The following STAT6 variants were observed in gnomAD, a reference collection of about 807,000 sequenced individuals.
The protein encoded by STAT6 is signal transducer and activator of transcription 6.
In STAT6, 45 loss-of-function variants were observed where a neutral mutation model predicts 106.3. That is an observed-to-expected ratio of 0.42 (90% CI 0.33 to 0.54). The LOEUF is 0.54. STAT6 is among the 20% of genes least tolerant of loss of function. STAT6 has a pLI of 0.06. For synonymous variants in STAT6, 413 were observed against 413.6 expected (o/e 1.00, Z 0.02); for missense variants, 797 against 1,062.2 (o/e 0.75, Z 3.47).
chr12:57,104,502 A>G lies in STAT6; in HGVS notation c.1174T>C (p.Phe392Leu), dbSNP rs757461622. The G allele has an allele frequency of 6.2e-7, 1 of 1,612,712 alleles. No homozygotes were observed. The highest frequency in any genetic ancestry group is 1.1e-5 in the South Asian group (1 of 90,692). Residue 392 changes from phenylalanine to leucine, a missense_variant, in exon 11 of 22, where the codon TTC becomes CTC. By Grantham distance (22) the Phe-to-Leu change is conservative (BLOSUM62 0). Around this residue, in one of 4 missense-constraint regions of STAT6, gnomAD observed 222 missense variants for 354.6 expected, o/e 0.63. Transcript: ENST00000300134. ...EKCAVLFSAS[F>L]TLGPGKLPIQ... ...GGGAGTTTGCCGGGGCCAAGTGTGA[A>G]GCTGGCAGAGAAGAGCACAGCGCAC... is the stretch of plus-strand genomic sequence containing the variant.
chr12:57,102,416 C>T lies in STAT6; in HGVS notation c.1386G>A (p.Glu462=), dbSNP rs1159376886. 1.9e-6 allele frequency: 3 copies of T among 1,614,168 alleles called. No individual in the cohort carries two copies. Among genetic ancestry groups the T allele is most frequent in the South Asian group, 1.1e-5 (1 of 91,086 alleles). ...CETLNLKFMA[E]VGTNRGLLPE... is the part of the protein sequence containing the mutation. Reference sequence around the variant, plus strand: ...GGAGCAGCCCCCGGTTGGTCCCCACCTCAGCCATGAACTTCAGGTTCAGAG... The same window carrying T: ...GGAGCAGCCCCCGGTTGGTCCCCACTTCAGCCATGAACTTCAGGTTCAGAG... The change falls in exon 13 of 22, where the codon GAG becomes GAA. Residue 462 remains glutamate (E), a synonymous_variant. Transcript: ENST00000300134.
intron 5 of STAT6, 41 bp from the exon 6 acceptor site, chr12:57,106,621 G>C: frequency 2.5e-6 from 4 of 1,613,838 alleles, no homozygotes; most frequent in Non-Finnish European, 3.4e-6. Flanking sequence ...AGACAGATTA[G>C]AGGTTCAGAT....
chr12:57,100,694 AAGAAAGAGAAAGAAAGAAAG>A (rs1293209757), intron 13 of STAT6, among the ~76,000 whole-genome samples: 1 of 28,944 alleles, frequency 3.5e-5, no homozygotes, highest in African/African-American at 1.4e-4. Context: ...GAAAGAAAGA[AAGAAAGAGAAAGAAAGAAAG>A]AAAGAAAGAA....
In STAT6 at chr12:57,106,316, C is replaced by T; in HGVS notation, c.555G>A (p.Glu185=). ...PSEALAMLLQ[E]TTGELEAAKA... ...TGGCTGCCTCTAGCTCTCCAGTGGT[C>T]TCCTGCAGTAGCATGGCCAGGGCCT... The change falls in exon 7 of 22, where the codon GAG becomes GAA. Residue 185 remains glutamate (E), a synonymous_variant. Coordinates refer to ENST00000300134, the MANE Select transcript of STAT6 (RefSeq NM_003153.5). 6.2e-7 allele frequency: 1 copy of T among 1,614,260 alleles called. No homozygotes were observed. Among genetic ancestry groups the T allele is most frequent in the East Asian group, 2.2e-5 (1 of 44,890 alleles).
rs541234279 is a variant in STAT6, at chr12:57,099,936, G to A, written c.1608-33C>T. The A allele has an allele frequency of 5.0e-6, 8 of 1,614,210 alleles. No individual in the cohort carries two copies. In the East Asian group the frequency reaches 6.7e-5, roughly 13 times the overall value. The stretch of plus-strand genomic sequence containing the variant: ...GGATGAAGGAGAGGATGGGGCATGG[G>A]CAGTGAGTATGGAGGTGACTGGTGT... On this transcript the variant is annotated intron_variant, in intron 14 of 21. Coordinates refer to ENST00000300134, the MANE Select transcript of STAT6 (RefSeq NM_003153.5). The surrounding 1 kb of genome is among the most constrained non-coding windows in gnomAD (Gnocchi z 4.7).
At chr12:57,106,062 G>T in intron 7 of STAT6, 129 bp downstream of exon 7, 1 of 1,475,834 alleles carries the variant, frequency 6.8e-7, no homozygotes, top group Non-Finnish European at 9.1e-7. Flanking sequence ...CGCTGGAACT[G>T]GCTTTTATGC....
Position 57,106,520 on chromosome 12 carries a change from T to C in STAT6, c.531+8A>G. The C allele has an allele frequency of 6.2e-7, 1 of 1,614,094 alleles. No individual in the cohort carries two copies. Among genetic ancestry groups the C allele is most frequent in the Non-Finnish European group, 8.5e-7 (1 of 1,179,978 alleles). The stretch of plus-strand genomic sequence containing the variant: ...ACCAAGGTCTCCACCTGTCAGCCCA[T>C]TACTCACCTCACTTGGCCCAGTCCC... On this transcript the variant is annotated splice_region_variant and intron_variant, in intron 6 of 21. Coordinates refer to ENST00000300134, the MANE Select transcript of STAT6 (RefSeq NM_003153.5).
At position 57,105,327 on chromosome 12, in the gene STAT6, C is replaced by T. The variant is rs1169911514; in HGVS notation, c.825G>A (p.Val275=). The change falls in exon 9 of 22, where the codon GTG becomes GTA. Residue 275 remains valine, a synonymous_variant. Transcript: ENST00000300134. ...TCAGTACCTGGGGGGGCTGCTTCTC[C>T]ACCAGGAAGCAACTGGGAGTGAGGA... The part of the protein sequence containing the change: ...LRTLVTSCFL[V]EKQPPQVLKT... 7 of 1,614,020 alleles carry T rather than the reference C, an allele frequency of 4.3e-6. No individual in the cohort carries two copies. Among genetic ancestry groups the T allele is most frequent in the South Asian group, 1.1e-5 (1 of 91,076 alleles).
chr12:57,102,773 G>T, intron 12 of STAT6, 56 bp downstream of exon 12: 5 of 1,421,442 alleles, frequency 3.5e-6, no homozygotes, highest in Non-Finnish European at 3.0e-6. Flanking sequence ...CTGCACCACT[G>T]CCCATGTTAG....
chr12:57,098,804 C>T lies in STAT6; in HGVS notation c.2054G>A (p.Gly685Asp), dbSNP rs1240444797. 6.2e-7 allele frequency: 1 copy of T among 1,613,732 alleles called. No homozygotes were observed. The highest frequency in any genetic ancestry group is 1.7e-5 in the Admixed American group (1 of 59,902). Residue 685 changes from glycine (G) to aspartate (D), a missense_variant, in exon 18 of 22, where the codon GGC (glycine) becomes GAC (aspartate). Coordinates refer to ENST00000300134, the MANE Select transcript of STAT6 (RefSeq NM_003153.5). Reference protein sequence around the residue: ...APDSSMSMQLGPDMVPQVYPP... With the variant: ...APDSSMSMQLDPDMVPQVYPP... ...TCCAGCTCCTTACACCATATCTGGG[C>T]CAAGCTGCATGCTCATGGAGGAATC...
In STAT6 at chr12:57,108,133, GGGGACCAGCA is replaced by G; in HGVS notation, c.116+20_116+29del. On this transcript the variant is annotated intron_variant, in intron 2 of 21. Coordinates refer to ENST00000300134, the MANE Select transcript of STAT6 (RefSeq NM_003153.5). ...AGGAAGATGAGTTAGGGAAGACTTG[GGGGACCAGCA>G]GGGAGCAGCCAGGACTCACCAGGGC... 1 of 1,397,244 alleles carries G rather than the reference GGGGACCAGCA, an allele frequency of 7.2e-7. No individual in the cohort carries two copies. 86.6% of individuals were successfully genotyped at this position (1,397,244 alleles called of 1,614,324 possible). A position where few individuals can be genotyped will look rare whatever the true frequency, so the allele number is the denominator to read the frequency against.
chr12:57,105,133 G>A lies in STAT6; in HGVS notation c.1001+18C>T. ...CCCTAACAGCCCTTCTCCAACCCCA[G>A]GTCCAATCCCAGCTTACGCTCCAGC... is the stretch of plus-strand genomic sequence containing the variant. On this transcript the variant is annotated intron_variant, in intron 9 of 21. Transcript: ENST00000300134. 6.2e-7 allele frequency: 1 copy of A among 1,601,276 alleles called. No homozygotes were observed. Among genetic ancestry groups the A allele is most frequent in the Non-Finnish European group, 8.5e-7 (1 of 1,173,186 alleles).
At chr12:57,107,352 T>C (rs2034337724) in intron 3 of STAT6, 38 bp from the exon 4 acceptor site, 2 of 1,585,850 alleles carry the variant, frequency 1.3e-6, no homozygotes, top group East Asian at 2.2e-5. Context: ...AGCTTTGCTC[T>C]TACCCATGTC....
intron 1 of STAT6, among the ~76,000 whole-genome samples, chr12:57,109,785 A>G (rs551573838): frequency 9.9e-5 from 15 of 152,222 alleles, no homozygotes; most frequent in Non-Finnish European, 2.9e-5. Flanking sequence ...AGGTTCAGGG[A>G]GGACTGGGTA....
chr12:57,098,578 G>C lies in STAT6; in HGVS notation c.2086C>G (p.His696Asp). The C allele has an allele frequency of 6.2e-7, 1 of 1,614,060 alleles. No individual in the cohort carries two copies. Among genetic ancestry groups the C allele is most frequent in the Non-Finnish European group, 8.5e-7 (1 of 1,180,008 alleles). ...PDMVPQVYPPHSHSIPPYQGL... is the reference protein window; with the variant it reads ...PDMVPQVYPPDSHSIPPYQGL... ...TGATACGGGGGGATGGAGTGAGAGT[G>C]TGGTGGGTACACCTGGGGCCTGGGG... The change falls in exon 19 of 22, where the codon CAC (histidine) becomes GAC (aspartate). Residue 696 changes from histidine (H) to aspartate (D), a missense_variant. Physicochemically the swap from His to Asp is moderately conservative, Grantham distance 81. Around this residue, in one of 4 missense-constraint regions of STAT6, gnomAD observed 226 missense variants for 236.7 expected, o/e 0.95. Coordinates refer to ENST00000300134, the MANE Select transcript of STAT6 (RefSeq NM_003153.5).
intron 11 of STAT6, 139 bp from the exon 12 acceptor site, chr12:57,103,060 A>G (rs2034053944): frequency 1.7e-6 from 1 of 588,738 alleles, no homozygotes; most frequent in African/African-American, 2.1e-5. Flanking sequence ...CAGTAGTGCA[A>G]TCTCAGCTCA....
chr12:57,109,284 A>T (rs373889379), intron 1 of STAT6, among the ~76,000 whole-genome samples: 8 of 152,200 alleles, frequency 5.3e-5, no homozygotes, highest in African/African-American at 1.9e-4. Flanking sequence ...GAGTAATAAC[A>T]GCTACTATTT....
chr12:57,100,763 A>G lies in STAT6; in HGVS notation c.1513-673T>C, dbSNP rs190148484. The G allele has an allele frequency of 4.4e-5, 13 of 293,004 alleles. No individual in the cohort carries two copies. The Admixed American group carries it at 6.3e-4, about 14-fold the overall frequency. The allele number at this position is 293,004 out of a possible 1,614,324, so 18.2% of individuals were successfully genotyped here. A position where few individuals can be genotyped will look rare whatever the true frequency, so the allele number is the denominator to read the frequency against. ...GAAAGAAAGAAAAGAAAAAAAAACC[A>G]AAACATAAAATAACATAATATAACA... On this transcript the variant is annotated intron_variant, in intron 13 of 21. Coordinates refer to ENST00000300134, the MANE Select transcript of STAT6 (RefSeq NM_003153.5).
intron 3 of STAT6, 65 bp from the exon 4 acceptor site, chr12:57,107,379 C>T (rs560824601): frequency 2.5e-5 from 37 of 1,494,016 alleles, no homozygotes; most frequent in South Asian, 9.1e-5. Context: ...TCCCTCCAAT[C>T]CCCAGGCCTG....
Sources: gnomAD v4.1 joint callset for allele counts (sites outside exome capture counted in the v4.1 genomes callset) on GRCh38, gnomAD v4.1.1 for gene constraint, gnomAD v4.1.1 regional missense constraint, Gnocchi (gnomAD v3.1) non-coding constraint, MANE v1.5 for transcripts, NCBI Gene and HGNC (gene_info 2026-07-23, HGNC 2026-07-21) for gene names.